Variants in COA1 observed in about 807,000 individuals in gnomAD.
COA1 encodes the protein cytochrome c oxidase assembly factor 1.
Under a neutral mutation model 16.0 loss-of-function variants are expected in COA1, and 13 were observed. The observed-to-expected ratio is 0.81, with a 90% CI of 0.53 to 1.29. The LOEUF is 1.29. Among genes scored for constraint, COA1 ranks in the 50% most tolerant of loss-of-function variants. COA1 has a pLI of 0.00. For synonymous variants in COA1, 65 were observed against 65.7 expected (o/e 0.99, Z 0.05); for missense variants, 179 against 177.0 (o/e 1.01, Z -0.06).
At chr7:43,635,491 T>A (rs1254543184), downstream of COA1, among the ~76,000 whole-genome samples, 1 of 152,138 alleles carries the variant, frequency 6.6e-6, no homozygotes, top group Non-Finnish European at 1.5e-5. Context: ...ACATTACCAA[T>A]CTTAGGGACG....
chr7:43,665,050 TAAA>T lies in COA1; in HGVS notation c.-38-16401_-38-16399del, dbSNP rs367797348. Among the ~76,000 whole-genome samples, 94 of 152,098 alleles carry T rather than the reference TAAA, an allele frequency of 6.2e-4. No homozygotes were observed. The East Asian group carries it at 0.016, about 26-fold the overall frequency. On this transcript the variant is annotated intron_variant, in intron 1 of 5. Transcript: ENST00000223336. ...ATTATTTTGAAACTCTGTCTCAAAA[TAAA>T]AAAGAAATATATGAAAAATAGGAGA...
intron 1 of COA1, among the ~76,000 whole-genome samples, chr7:43,686,515 C>T (rs1351708650): frequency 1.3e-5 from 2 of 151,908 alleles, no homozygotes; most frequent in Non-Finnish European, 2.9e-5. Context: ...ACCGTGGTCT[C>T]GATCTCCTGA....
In COA1 at chr7:43,720,643, T is replaced by C. The variant is rs993937930; in HGVS notation, c.-39+8786A>G. ...TGCAACGAGAGAGGTAAAGATGAAG[T>C]GGCCATATTTGAAAATATTTAGGAG... On this transcript the variant is annotated intron_variant, in intron 1 of 5. Coordinates refer to ENST00000223336, the MANE Select transcript of COA1 (RefSeq NM_018224.4). Among the ~76,000 whole-genome samples the C allele has an allele frequency of 5.9e-5, 9 of 152,090 alleles. No individual in the cohort carries two copies. The East Asian group carries it at 1.7e-3, about 29-fold the overall frequency.
chr7:43,654,056 G>A (rs927194099), intron 1 of COA1, among the ~76,000 whole-genome samples: 1 of 152,156 alleles, frequency 6.6e-6, no homozygotes, highest in African/African-American at 2.4e-5. Flanking sequence ...CACAATGTAA[G>A]TGAAGAGAGA....
chr7:43,622,695 TTTTG>T (rs1257003188), intron 6 of COA1: 26 of 57,840 alleles, frequency 4.5e-4, no homozygotes, highest in African/African-American at 2.0e-3. Context: ...TATCAAAGTT[TTTTG>T]TTTTTGTTTT....
At chr7:43,633,165 T>C (rs2085337402) in intron 6 of COA1, 1 of 152,256 alleles carries the variant, frequency 6.6e-6, no homozygotes, top group African/African-American at 2.4e-5. Flanking sequence ...TGTTGTTTAG[T>C]GTAGCCACTT....
intron 1 of COA1, among the ~76,000 whole-genome samples, chr7:43,701,300 T>C (rs1028513500): frequency 7.9e-5 from 12 of 152,134 alleles, no homozygotes; most frequent in Admixed American, 5.2e-4. Context: ...CCAGTGTCTG[T>C]TGTTCCCCTT....
intron 1 of COA1, among the ~76,000 whole-genome samples, chr7:43,682,688 G>A (rs576687655): frequency 5.0e-4 from 76 of 151,702 alleles, no homozygotes; most frequent in Middle Eastern, 6.8e-3. Flanking sequence ...CTACTCTATC[G>A]AGTAAACACA....
chr7:43,626,543 TAG>T (rs1281484277), intron 6 of COA1: 1 of 152,186 alleles, frequency 6.6e-6, no homozygotes, highest in African/African-American at 2.4e-5. Context: ...GCCACAGTGA[TAG>T]AGTTTTTAAT....
intron 1 of COA1, among the ~76,000 whole-genome samples, chr7:43,727,003 T>C (rs1406455184): frequency 6.6e-5 from 10 of 152,214 alleles, no homozygotes; most frequent in Admixed American, 5.9e-4. Flanking sequence ...AGGAGATTTT[T>C]AATGGTCGCA....
intron 1 of COA1, among the ~76,000 whole-genome samples, chr7:43,690,508 A>G (rs1426107482): frequency 2.0e-5 from 3 of 152,122 alleles, no homozygotes; most frequent in African/African-American, 4.8e-5. Flanking sequence ...AATACTACTC[A>G]GCCATAAAAA....
intron 4 of COA1, chr7:43,641,472 G>A (rs1257807486): frequency 6.6e-6 from 1 of 152,074 alleles, no homozygotes; most frequent in Non-Finnish European, 1.5e-5. Flanking sequence ...GTAGAATCCA[G>A]GTACCAGCTA....
intron 1 of COA1, among the ~76,000 whole-genome samples, chr7:43,683,232 A>G (rs561214714): frequency 2.6e-5 from 4 of 152,322 alleles, no homozygotes; most frequent in Non-Finnish European, 5.9e-5. Context: ...CAAATTAAGA[A>G]AAGTCATATA....
intron 1 of COA1, 141 bp downstream of exon 1, chr7:43,729,288 C>A (rs2132480030): frequency 6.6e-6 from 1 of 152,426 alleles, no homozygotes; most frequent in African/African-American, 2.4e-5. Context: ...CCGGCGCCGG[C>A]GCGAACCTCC....
chr7:43,614,599 G>C (rs1311349789), intron 6 of COA1, among the ~76,000 whole-genome samples: 2 of 152,174 alleles, frequency 1.3e-5, no homozygotes, highest in South Asian at 4.1e-4. Flanking sequence ...AAATAGCCCT[G>C]TGGTCAAAAT....
intron 4 of COA1, among the ~76,000 whole-genome samples, chr7:43,644,674 G>A (rs989461878): frequency 1.4e-5 from 2 of 147,200 alleles, no homozygotes; most frequent in Non-Finnish European, 3.0e-5. Context: ...TTATAGGTGT[G>A]CACTATCACG....
intron 1 of COA1, among the ~76,000 whole-genome samples, chr7:43,661,593 C>T (rs1475445353): frequency 3.3e-5 from 5 of 151,700 alleles, no homozygotes; most frequent in African/African-American, 4.8e-5. Flanking sequence ...GCCGAGATCG[C>T]GCCACCGCAC....
intron 1 of COA1, among the ~76,000 whole-genome samples, chr7:43,656,593 C>T (rs2091742482): frequency 6.6e-6 from 1 of 152,132 alleles, no homozygotes; most frequent in African/African-American, 2.4e-5. Flanking sequence ...ACTCGGGAGG[C>T]TGAGGCAGGA....
intron 1 of COA1, among the ~76,000 whole-genome samples, chr7:43,679,264 C>CAAAAAAAAAAAAAAAAAAAAAAAAAA (rs10618048): frequency 1.2e-5 from 1 of 84,122 alleles, no homozygotes. Flanking sequence ...AACTCCATTG[C>CAAAAAAAAAAAAAAAAAAAAAAAAAA]AAAAAAAAAA....
Sources: allele counts gnomAD v4.1 joint callset (sites outside exome capture counted in the v4.1 genomes callset), GRCh38; gene constraint gnomAD v4.1.1; transcripts MANE v1.5; gene names NCBI Gene and HGNC (gene_info 2026-07-23, HGNC 2026-07-21).